XBP1: variants seen among roughly 807,000 people sequenced by gnomAD.
The protein encoded by XBP1 is X-box-binding protein 1.
A neutral mutation model predicts 34.6 loss-of-function variants in XBP1; 18 were observed. The ratio of observed to expected loss-of-function variants is 0.52; its 90% CI spans 0.36 to 0.77. The LOEUF (loss-of-function observed/expected upper bound fraction) is 0.77. Ranked by LOEUF, XBP1 falls within the 30% of genes least tolerant of loss-of-function variation. The pLI is 0.00. For synonymous variants in XBP1, 191 were observed against 193.4 expected (o/e 0.99, Z 0.11); for missense variants, 422 against 464.6 (o/e 0.91, Z 0.84).
At chr22:28,795,378 G>T in exon 6 of XBP1, 2 of 1,553,704 alleles carry the variant, frequency 1.3e-6, no homozygotes, top group Non-Finnish European at 1.7e-6. Flanking sequence ...TCCGGAACGA[G>T]GTCATCTTCT....
At chr22:28,800,069 A>T (rs768603835) in intron 1 of XBP1, 8 of 770,504 alleles carry the variant, frequency 1.0e-5, no homozygotes, top group Middle Eastern at 5.0e-4. Flanking sequence ...CGAGAGAGTT[A>T]AAAAGTACAG....
intron 5 of XBP1, 126 bp from the exon 6 acceptor site, chr22:28,795,858 A>G (rs2031740959): frequency 8.1e-7 from 1 of 1,228,176 alleles, no homozygotes; most frequent in Non-Finnish European, 1.1e-6. Flanking sequence ...CTCGGGACCC[A>G]CCAGACCCAT....
chr22:28,800,529 C>CCAGACTA, upstream of XBP1: 1 of 1,485,986 alleles, frequency 6.7e-7, no homozygotes, highest in East Asian at 2.9e-5. Flanking sequence ...CACCATAGCT[C>CCAGACTA]CAGACTACGC....
At chr22:28,800,504 C>G in exon 1 of XBP1, 1 of 1,488,984 alleles carries the variant, frequency 6.7e-7, no homozygotes, top group Non-Finnish European at 8.9e-7. Context: ...CCGGGTTCGG[C>G]GCGGCTGCCA....
Position 28,800,007 on chromosome 22 carries a change from C to A in XBP1, c.227+291G>T, listed in dbSNP as rs1203221464. On this transcript the variant is annotated intron_variant, in intron 1 of 5. Transcript: ENST00000344347. Reference sequence around the variant, plus strand: ...GAACCACCAGTCTGCGGCCACACAGCAAGAGGGCCTGGAAGACAGGTGCCC... The same window carrying A: ...GAACCACCAGTCTGCGGCCACACAGAAAGAGGGCCTGGAAGACAGGTGCCC... 7.7e-6 allele frequency: 6 copies of A among 779,444 alleles called. No homozygotes were observed. The South Asian group carries it at 8.1e-5, about 10-fold the overall frequency. The allele number at this position is 779,444 out of a possible 1,614,324, so 48.3% of individuals were successfully genotyped here. A position where few individuals can be genotyped will look rare whatever the true frequency, so the allele number is the denominator to read the frequency against.
chr22:28,794,824 A>G (rs1340239015), downstream of XBP1: 1 of 173,700 alleles, frequency 5.8e-6, no homozygotes, highest in Non-Finnish European at 1.2e-5. Context: ...AATGATAAAG[A>G]ACCATTCATA....
intron 3 of XBP1, 169 bp from the exon 4 acceptor site, chr22:28,796,361 TA>T: frequency 8.5e-6 from 5 of 589,772 alleles, no homozygotes; most frequent in Non-Finnish European, 1.3e-5. Flanking sequence ...AAGAGCAAGA[TA>T]AGATATTTGC....
At chr22:28,798,767 C>CA (rs2031799984) in intron 2 of XBP1, 1 of 196,330 alleles carries the variant, frequency 5.1e-6, no homozygotes, top group Admixed American at 6.0e-5. Context: ...TCACGCTTGG[C>CA]CTTTTTTTTT....
chr22:28,799,600 G>C (rs2031826758), intron 1 of XBP1, among the ~76,000 whole-genome samples: 1 of 152,144 alleles, frequency 6.6e-6, no homozygotes, highest in Non-Finnish European at 1.5e-5. Flanking sequence ...AAAGGGAGAG[G>C]CTGATGCCAC....
chr22:28,800,097 C>T (rs1156584381), intron 1 of XBP1: 2 of 733,354 alleles, frequency 2.7e-6, no homozygotes, highest in Non-Finnish European at 4.9e-6. Flanking sequence ...CCCTGGGCCG[C>T]CCTAGGTTCC....
chr22:28,795,957 A>G (rs1269371234), intron 5 of XBP1, 90 bp downstream of exon 5: 3 of 1,546,942 alleles, frequency 1.9e-6, no homozygotes, highest in Non-Finnish European at 2.7e-6. Context: ...ACTAACTTCA[A>G]CCCTCATCTG....
Position 28,798,944 on chromosome 22 carries a change from T to C in XBP1, c.324+113A>G, listed in dbSNP as rs2031806968. The C allele has an allele frequency of 1.4e-5, 11 of 795,638 alleles. No homozygotes were observed. In the East Asian group the frequency reaches 3.0e-4, roughly 21 times the overall value. 49.3% of individuals were successfully genotyped at this position (795,638 alleles called of 1,614,324 possible). On this transcript the variant is annotated intron_variant, in intron 2 of 5. Transcript: ENST00000344347. Reference sequence around the variant, plus strand: ...CCTAGTTTAACTTTTAATCATATATTCAATTGTATTCTAATAGGGGCTGAA... The same window carrying C: ...CCTAGTTTAACTTTTAATCATATATCCAATTGTATTCTAATAGGGGCTGAA...
At chr22:28,798,768 C>CTTTTTTTTTTT (rs71196604) in intron 2 of XBP1, 1 of 125,156 alleles carries the variant, frequency 8.0e-6, no homozygotes, top group Admixed American at 8.5e-5. Flanking sequence ...CACGCTTGGC[C>CTTTTTTTTTTT]TTTTTTTTTT....
At chr22:28,799,204 G>C in intron 1 of XBP1, 51 bp from the exon 2 acceptor site, 1 of 1,437,464 alleles carries the variant, frequency 7.0e-7, no homozygotes, top group Non-Finnish European at 9.6e-7. Context: ...CCTTATTTAT[G>C]TCTTTATTTG....
At chr22:28,795,375 C>T (rs774095548) in exon 6 of XBP1, 51 of 1,552,806 alleles carry the variant, frequency 3.3e-5, no homozygotes, top group Non-Finnish European at 4.2e-5. Context: ...AGCTCCGGAA[C>T]GAGGTCATCT....
intron 2 of XBP1, among the ~76,000 whole-genome samples, chr22:28,798,091 C>T (rs1334284774): frequency 6.6e-6 from 1 of 152,092 alleles, no homozygotes; most frequent in Non-Finnish European, 1.5e-5. Context: ...GGAAAGGAAC[C>T]TTTAGTGAAT....
At chr22:28,800,422 C>T (rs746136929) in exon 1 of XBP1, 11 of 1,493,938 alleles carry the variant, frequency 7.4e-6, no homozygotes, top group Non-Finnish European at 3.5e-6. Context: ...AGCGGCAGGG[C>T]CTGGCCGGCC....
chr22:28,796,789 T>C (rs2031759818), intron 3 of XBP1: 1 of 227,592 alleles, frequency 4.4e-6, no homozygotes, highest in African/African-American at 2.3e-5. Context: ...TTCTCCTTAA[T>C]GATTGCATGG....
chr22:28,800,320 G>C (rs1248272660), exon 1 of XBP1: 4 of 1,553,278 alleles, frequency 2.6e-6, no homozygotes. Context: ...TTCTCCTCGG[G>C]GCTCAGGTGC....
Sources: allele counts gnomAD v4.1 joint callset (sites outside exome capture counted in the v4.1 genomes callset), GRCh38; gene constraint gnomAD v4.1.1; transcripts MANE v1.5; gene names NCBI Gene and HGNC (gene_info 2026-07-23, HGNC 2026-07-21).